The following ST3GAL3 variants were observed in gnomAD, a reference collection of about 807,000 sequenced individuals.
ST3GAL3 encodes the protein CMP-N-acetylneuraminate-beta-1,4-galactoside alpha-2,3-sialyltransferase.
In ST3GAL3, 21 loss-of-function variants were observed where a neutral mutation model predicts 50.1. That is an observed-to-expected ratio of 0.42 (90% CI 0.30 to 0.60). The LOEUF is 0.60. Among genes scored for constraint, ST3GAL3 ranks in the 20% least tolerant of loss-of-function variants. ST3GAL3 has a pLI of 0.19. For missense variants in ST3GAL3, 353 were observed against 489.4 expected (o/e 0.72, Z 2.63); for synonymous variants, 183 against 190.0 (o/e 0.96, Z 0.30).
intron 5 of ST3GAL3, among the ~76,000 whole-genome samples, chr1:43,884,011 T>G (rs552304637): frequency 6.6e-6 from 1 of 152,308 alleles, no homozygotes; most frequent in African/African-American, 2.4e-5. Context: ...TGGACATATA[T>G]TACATATATT....
At chr1:43,759,187 T>C (rs368028264) in intron 2 of ST3GAL3, among the ~76,000 whole-genome samples, 1 of 151,998 alleles carries the variant, frequency 6.6e-6, no homozygotes, top group East Asian at 1.9e-4. Context: ...GGCTCACGCC[T>C]GTAATCCCAG....
chr1:43,865,693 G>A (rs1301933418), intron 5 of ST3GAL3, among the ~76,000 whole-genome samples: 10 of 152,152 alleles, frequency 6.6e-5, no homozygotes, highest in Admixed American at 2.6e-4. Flanking sequence ...GGTGTCAGGA[G>A]GGGCTTTTTT....
At chr1:43,785,121 G>C (rs890313803) in intron 2 of ST3GAL3, among the ~76,000 whole-genome samples, 1 of 152,144 alleles carries the variant, frequency 6.6e-6, no homozygotes, top group African/African-American at 2.4e-5. Flanking sequence ...GACTGGGGGG[G>C]TTAGATCCCT....
intron 4 of ST3GAL3, among the ~76,000 whole-genome samples, chr1:43,826,681 C>T (rs558971942): frequency 1.1e-4 from 16 of 152,226 alleles, no homozygotes; most frequent in African/African-American, 3.6e-4. Context: ...GAACATGCTC[C>T]AGAAATCCTC....
intron 5 of ST3GAL3, chr1:43,879,527 A>G (rs2154254655): frequency 2.4e-6 from 1 of 414,114 alleles, no homozygotes; most frequent in Non-Finnish European, 4.8e-6. Flanking sequence ...TGAATTTAGA[A>G]TATGTTTAGT....
At chr1:43,885,091 G>T (rs1393971257) in intron 5 of ST3GAL3, among the ~76,000 whole-genome samples, 1 of 152,176 alleles carries the variant, frequency 6.6e-6, no homozygotes, top group African/African-American at 2.4e-5. Flanking sequence ...CCACATTTTT[G>T]AGCATTAAGT....
chr1:43,736,625 A>G (rs571211012), intron 2 of ST3GAL3: 5 of 635,912 alleles, frequency 7.9e-6, no homozygotes, highest in Middle Eastern at 8.7e-4. Context: ...AGAATGTGCT[A>G]TTCTTCAATA....
At chr1:43,710,280 C>T (rs1381594182) in intron 1 of ST3GAL3, among the ~76,000 whole-genome samples, 1 of 152,116 alleles carries the variant, frequency 6.6e-6, no homozygotes, top group African/African-American at 2.4e-5. Flanking sequence ...CGGGGTTTCA[C>T]CATGTTGGCC....
intron 4 of ST3GAL3, 134 bp downstream of exon 4, chr1:43,815,067 C>A: frequency 1.1e-6 from 1 of 914,684 alleles, no homozygotes; most frequent in Non-Finnish European, 1.8e-6. Flanking sequence ...CTCAGGCTGT[C>A]AGCAGAATCT....
intron 2 of ST3GAL3, among the ~76,000 whole-genome samples, chr1:43,787,315 T>C (rs919856530): frequency 4.6e-5 from 7 of 152,246 alleles, no homozygotes; most frequent in African/African-American, 1.4e-4. Flanking sequence ...CTGGATATTC[T>C]TGCTCTGTTC....
intron 5 of ST3GAL3, among the ~76,000 whole-genome samples, chr1:43,875,393 A>G (rs1214898412): frequency 6.6e-6 from 1 of 152,092 alleles, no homozygotes; most frequent in African/African-American, 2.4e-5. Context: ...GATTAAGATC[A>G]CTGGAGGAGG....
At chr1:43,924,441 G>A (rs1402882737) in intron 11 of ST3GAL3, among the ~76,000 whole-genome samples, 1 of 152,332 alleles carries the variant, frequency 6.6e-6, no homozygotes, top group African/African-American at 2.4e-5. Flanking sequence ...CAGAGGGTGA[G>A]AGCCATAGAC....
At chr1:43,894,604 C>T (rs2077113353) in intron 6 of ST3GAL3, 127 bp downstream of exon 6, 4 of 842,744 alleles carry the variant, frequency 4.7e-6, no homozygotes, top group Non-Finnish European at 8.0e-6. Flanking sequence ...CTCAACAAAT[C>T]TTCTCTACCT....
In ST3GAL3 at chr1:43,907,582, G is replaced by T. The variant is rs566506797; in HGVS notation, c.744+7855G>T. The stretch of plus-strand genomic sequence containing the variant: ...GAAAATAAAGGTTGTCACCAGCCAA[G>T]AACTCTCGGCTTCCTGCTTCCCATC... On this transcript the variant is annotated intron_variant, in intron 9 of 11. Coordinates refer to ENST00000347631, the MANE Select transcript of ST3GAL3 (RefSeq NM_006279.5). Among the ~76,000 whole-genome samples the T allele has an allele frequency of 2.7e-4, 41 of 152,236 alleles. No individual in the cohort carries two copies. The South Asian group carries it at 6.9e-3, about 25-fold the overall frequency.
At chr1:43,889,831 G>T (rs1211180941) in intron 5 of ST3GAL3, among the ~76,000 whole-genome samples, 2 of 152,088 alleles carry the variant, frequency 1.3e-5, no homozygotes, top group African/African-American at 4.8e-5. Context: ...AAAAGAAAAA[G>T]AAGATAAATA....
chr1:43,783,362 A>G (rs1485910082), intron 2 of ST3GAL3, among the ~76,000 whole-genome samples: 1 of 152,064 alleles, frequency 6.6e-6, no homozygotes, highest in African/African-American at 2.4e-5. Context: ...TCCTTTCAGT[A>G]GCAGCCTCCA....
chr1:43,827,269 C>T (rs1448408971), intron 4 of ST3GAL3, among the ~76,000 whole-genome samples: 1 of 152,006 alleles, frequency 6.6e-6, no homozygotes, highest in Non-Finnish European at 1.5e-5. Flanking sequence ...AAGGCAATTG[C>T]TTTTCTATAT....
At chr1:43,807,095 A>G (rs2059979793) in intron 3 of ST3GAL3, among the ~76,000 whole-genome samples, 1 of 152,184 alleles carries the variant, frequency 6.6e-6, no homozygotes, top group African/African-American at 2.4e-5. Flanking sequence ...AACATTGAAT[A>G]TGGCAGGGGT....
chr1:43,732,889 G>T (rs1676548206), intron 1 of ST3GAL3, among the ~76,000 whole-genome samples: 1 of 151,992 alleles, frequency 6.6e-6, no homozygotes, highest in Admixed American at 6.6e-5. Context: ...TCCCAAAGGA[G>T]TCTACCAATT....
Sources: allele counts gnomAD v4.1 joint callset (sites outside exome capture counted in the v4.1 genomes callset), GRCh38; gene constraint gnomAD v4.1.1; transcripts MANE v1.5; gene names NCBI Gene and HGNC (gene_info 2026-07-23, HGNC 2026-07-21).